PRKDC: variants seen among roughly 807,000 people sequenced by gnomAD.
PRKDC encodes the protein DNA-dependent protein kinase catalytic subunit.
PRKDC carries 82 observed loss-of-function variants against 486.9 expected under a neutral mutation model. The observed-to-expected ratio is 0.17, with a 90% CI of 0.14 to 0.20. PRKDC has a LOEUF of 0.20. Among genes scored for constraint, PRKDC ranks in the 10% least tolerant of loss-of-function variants. The pLI, the probability that PRKDC is intolerant of heterozygous loss-of-function variation, is 1.00. For synonymous variants in PRKDC, 1,895 were observed against 1,837.0 expected (o/e 1.03, Z -0.81); for missense variants, 4,504 against 5,038.2 (o/e 0.89, Z 3.21).
intron 55 of PRKDC, among the ~76,000 whole-genome samples, chr8:47,839,702 C>G (rs898728777): frequency 2.3e-4 from 35 of 152,070 alleles, no homozygotes; most frequent in Non-Finnish European, 4.3e-4. Flanking sequence ...AATTATTAAT[C>G]ATATGGTAAA....
intron 40 of PRKDC, among the ~76,000 whole-genome samples, chr8:47,875,037 A>T (rs1344472452): frequency 1.3e-5 from 2 of 152,140 alleles, no homozygotes; most frequent in African/African-American, 2.4e-5. Flanking sequence ...TGGATAACAG[A>T]GTGTGACCTT....
Position 47,799,190 on chromosome 8 carries a change from CT to C in PRKDC, c.10297+19del. On this transcript the variant is annotated intron_variant, in intron 72 of 85. Transcript: ENST00000314191. The stretch of plus-strand genomic sequence containing the variant: ...TTATGCTGACATAATGGAACACTAG[CT>C]TTTTAATTTTCAATTCACCTGATGC... 2 of 1,613,304 alleles carry C rather than the reference CT, an allele frequency of 1.2e-6. No individual in the cohort carries two copies. The highest frequency in any genetic ancestry group is 1.7e-6 in the Non-Finnish European group (2 of 1,179,774).
chr8:47,959,926 T>C lies in PRKDC; in HGVS notation c.154+47A>G, dbSNP rs1005295466. On this transcript the variant is annotated intron_variant, in intron 1 of 85. Coordinates refer to ENST00000314191, the MANE Select transcript of PRKDC (RefSeq NM_006904.7). ...CCGGGCTGCCCGGCTCCAGAACGAC[T>C]CGGGAAGCCAGGACCCACCCGCGGC... The C allele has an allele frequency of 2.6e-6, 4 of 1,515,632 alleles. No homozygotes were observed. The African/African-American group carries it at 4.2e-5, about 16-fold the overall frequency. The allele number at this position is 1,515,632 out of a possible 1,614,324, so 93.9% of individuals were successfully genotyped here. A position where few individuals can be genotyped will look rare whatever the true frequency, so the allele number is the denominator to read the frequency against.
At chr8:47,936,228 TACTA>T (rs2090349014) in intron 12 of PRKDC, 121 bp downstream of exon 12, 3 of 1,082,774 alleles carry the variant, frequency 2.8e-6, no homozygotes, top group South Asian at 1.9e-5. Flanking sequence ...TGCCACAAAG[TACTA>T]ACTAAAACTG....
chr8:47,846,330 C>T (rs560828686), intron 54 of PRKDC, among the ~76,000 whole-genome samples: 4 of 151,102 alleles, frequency 2.6e-5, no homozygotes, highest in Admixed American at 2.0e-4. Flanking sequence ...GCAGGAGAAT[C>T]GCTTAAACCT....
At chr8:47,920,824 A>T (rs1405523778) in intron 21 of PRKDC, among the ~76,000 whole-genome samples, 1 of 152,194 alleles carries the variant, frequency 6.6e-6, no homozygotes, top group African/African-American at 2.4e-5. Flanking sequence ...ACATAACATG[A>T]AATGTACTCT....
rs144991386 is a variant in PRKDC, at chr8:47,940,287, G to A, written c.967-590C>T. Among the ~76,000 whole-genome samples, 122 of 152,312 alleles carry A rather than the reference G, an allele frequency of 8.0e-4. No homozygotes were observed. In the South Asian group the frequency reaches 9.1e-3, roughly 11 times the overall value. ...GCAAGGGGAAAATGTCGTCTGAGAA[G>A]CAAATAGATCATTATTTACCAAACC... On this transcript the variant is annotated intron_variant, in intron 10 of 85. Coordinates refer to ENST00000314191, the MANE Select transcript of PRKDC (RefSeq NM_006904.7).
At chr8:47,820,141 G>T (rs1248111002) in intron 66 of PRKDC, among the ~76,000 whole-genome samples, 2 of 152,132 alleles carry the variant, frequency 1.3e-5, no homozygotes, top group South Asian at 2.1e-4. Context: ...GGTCAGGAGC[G>T]TTGGCTCACG....
At chr8:47,783,645 C>T in intron 78 of PRKDC, 97 bp downstream of exon 78, 1 of 1,152,994 alleles carries the variant, frequency 8.7e-7, no homozygotes, top group Non-Finnish European at 1.3e-6. Flanking sequence ...CTGTGATCAA[C>T]ATGGGCCGTT....
At chr8:47,953,573 G>T in intron 7 of PRKDC, 47 bp downstream of exon 7, 2 of 1,496,174 alleles carry the variant, frequency 1.3e-6, no homozygotes, top group South Asian at 1.2e-5. Flanking sequence ...TTGCTGGTTA[G>T]ACTTACAGTT....
At chr8:47,777,212 A>G (rs1267588646) in intron 84 of PRKDC, among the ~76,000 whole-genome samples, 1 of 146,718 alleles carries the variant, frequency 6.8e-6, no homozygotes, top group Non-Finnish European at 1.5e-5. Flanking sequence ...TTGCCTGTTA[A>G]TTTTTTTTTT....
At chr8:47,815,594 C>T (rs1254455421) in intron 68 of PRKDC, among the ~76,000 whole-genome samples, 1 of 152,178 alleles carries the variant, frequency 6.6e-6, no homozygotes, top group East Asian at 1.9e-4. Context: ...TTATATCCCA[C>T]TAAATAAAAT....
chr8:47,865,714 G>C (rs939300868), intron 40 of PRKDC, among the ~76,000 whole-genome samples: 4 of 152,020 alleles, frequency 2.6e-5, no homozygotes, highest in African/African-American at 9.7e-5. Context: ...GACACTACTA[G>C]ATGCCATACA....
intron 39 of PRKDC, among the ~76,000 whole-genome samples, chr8:47,879,089 G>C (rs1221981929): frequency 6.6e-6 from 1 of 152,076 alleles, no homozygotes; most frequent in Non-Finnish European, 1.5e-5. Context: ...CTATTTCTTA[G>C]CTTCTTTTGG....
chr8:47,823,839 T>C lies in PRKDC; in HGVS notation c.8922+19A>G. The C allele has an allele frequency of 6.2e-7, 1 of 1,611,362 alleles. No individual in the cohort carries two copies. The highest frequency in any genetic ancestry group is 8.5e-7 in the Non-Finnish European group (1 of 1,178,410). On this transcript the variant is annotated intron_variant, in intron 64 of 85. Transcript: ENST00000314191. Reference sequence around the variant, plus strand: ...AAGTGTTGAAGTAAATGTCATATTTTGCCAGAGATCAATTTTACCTCATCA... The same window carrying C: ...AAGTGTTGAAGTAAATGTCATATTTCGCCAGAGATCAATTTTACCTCATCA...
At chr8:47,835,125 T>TA (rs1182725700) in intron 58 of PRKDC, among the ~76,000 whole-genome samples, 1 of 152,220 alleles carries the variant, frequency 6.6e-6, no homozygotes, top group Non-Finnish European at 1.5e-5. Context: ...AGGATTAAGA[T>TA]ATGTTACTCT....
At chr8:47,856,626 G>T (rs2088547317) in intron 49 of PRKDC, among the ~76,000 whole-genome samples, 1 of 152,082 alleles carries the variant, frequency 6.6e-6, no homozygotes, top group African/African-American at 2.4e-5. Context: ...TAAATGAGTA[G>T]GCAAAGCACC....
intron 7 of PRKDC, among the ~76,000 whole-genome samples, chr8:47,948,193 G>A (rs1443230610): frequency 6.6e-6 from 1 of 151,828 alleles, no homozygotes; most frequent in Non-Finnish European, 1.5e-5. Flanking sequence ...TGCCAGGCTG[G>A]AGGGCAGTGG....
At chr8:47,778,358 A>G (rs2086641024) in intron 83 of PRKDC, 101 bp downstream of exon 83, 1 of 1,255,206 alleles carries the variant, frequency 8.0e-7, no homozygotes, top group South Asian at 1.5e-5. Context: ...AATCTAACTA[A>G]TATGTTGTTT....
Sources: gnomAD v4.1 joint callset for allele counts (sites outside exome capture counted in the v4.1 genomes callset) on GRCh38, gnomAD v4.1.1 for gene constraint, MANE v1.5 for transcripts, NCBI Gene and HGNC (gene_info 2026-07-23, HGNC 2026-07-21) for gene names.